Variants in PTGER3 observed in about 807,000 individuals in gnomAD.
PTGER3 encodes prostaglandin E2 receptor EP3 subtype.
In PTGER3, 22 loss-of-function variants were observed where a neutral mutation model predicts 34.7. The ratio of observed to expected loss-of-function variants is 0.63; its 90% CI spans 0.45 to 0.91. The LOEUF is 0.91. Ranked by LOEUF, PTGER3 falls within the 40% of genes least tolerant of loss-of-function variation. The probability of loss-of-function intolerance (pLI) is 0.00; values close to 1 mark genes in which losing one functional copy is unlikely to be tolerated. For synonymous variants in PTGER3, 241 were observed against 230.1 expected (o/e 1.05, Z -0.43); for missense variants, 468 against 519.4 (o/e 0.90, Z 0.96).
chr1:70,909,686 C>T (rs1214841057), intron 4 of PTGER3, among the ~76,000 whole-genome samples: 1 of 152,112 alleles, frequency 6.6e-6, no homozygotes, highest in Non-Finnish European at 1.5e-5. Context: ...TACAGTGTCT[C>T]CCAACTGAAG....
intron 2 of PTGER3, chr1:71,007,919 G>A: frequency 1.0e-6 from 1 of 985,212 alleles, no homozygotes; most frequent in Non-Finnish European, 1.2e-6. Flanking sequence ...GCATGAAAAG[G>A]CTGACTTGTT....
At chr1:70,954,751 A>G (rs1441367849) in intron 2 of PTGER3, among the ~76,000 whole-genome samples, 4 of 152,260 alleles carry the variant, frequency 2.6e-5, no homozygotes, top group South Asian at 2.1e-4. Context: ...ATCATGTAAT[A>G]CAAATATTTC....
chr1:70,906,115 T>C (rs553031701), intron 4 of PTGER3, among the ~76,000 whole-genome samples: 1 of 152,290 alleles, frequency 6.6e-6, no homozygotes, highest in South Asian at 2.1e-4. Flanking sequence ...TGCTCCTCCT[T>C]GCCTTCCACC....
At chr1:70,975,764 AC>A (rs1653628294) in intron 2 of PTGER3, among the ~76,000 whole-genome samples, 1 of 152,192 alleles carries the variant, frequency 6.6e-6, no homozygotes, top group South Asian at 2.1e-4. Context: ...GGCAATTTGC[AC>A]AGAAATTTTA....
At chr1:70,937,984 T>C (rs1413901041) in intron 4 of PTGER3, among the ~76,000 whole-genome samples, 1 of 152,180 alleles carries the variant, frequency 6.6e-6, no homozygotes, top group African/African-American at 2.4e-5. Context: ...AGATGAAATA[T>C]GACATTTTGG....
intron 2 of PTGER3, among the ~76,000 whole-genome samples, chr1:70,962,431 T>C (rs943056712): frequency 6.6e-6 from 1 of 150,794 alleles, no homozygotes; most frequent in Non-Finnish European, 1.5e-5. Context: ...GGGCAGTGTA[T>C]TAGTCTGTTC....
intron 4 of PTGER3, among the ~76,000 whole-genome samples, chr1:70,871,402 G>A (rs1214233516): frequency 6.6e-6 from 1 of 152,130 alleles, no homozygotes; most frequent in Non-Finnish European, 1.5e-5. Context: ...CAACACTGGA[G>A]ATTACAATTC....
At chr1:71,003,945 C>A (rs556265638) in intron 2 of PTGER3, among the ~76,000 whole-genome samples, 1 of 152,302 alleles carries the variant, frequency 6.6e-6, no homozygotes, top group African/African-American at 2.4e-5. Flanking sequence ...TCCTCTGCAC[C>A]TTTTGTGGGA....
intron 2 of PTGER3, among the ~76,000 whole-genome samples, chr1:70,986,225 C>A (rs1654897910): frequency 2.0e-5 from 3 of 152,078 alleles, no homozygotes; most frequent in African/African-American, 7.2e-5. Flanking sequence ...CAAGAGATAA[C>A]CATAAAAATG....
At chr1:70,927,770 C>G (rs1390152917) in intron 4 of PTGER3, among the ~76,000 whole-genome samples, 1 of 152,060 alleles carries the variant, frequency 6.6e-6, no homozygotes, top group Non-Finnish European at 1.5e-5. Context: ...TAGAAGAGAA[C>G]AGGAAAATAT....
chr1:70,873,969 TA>T (rs1646220362), intron 4 of PTGER3, among the ~76,000 whole-genome samples: 1 of 152,172 alleles, frequency 6.6e-6, no homozygotes, highest in Non-Finnish European at 1.5e-5. Context: ...CTTAAAATTT[TA>T]ACCTTTCTGT....
chr1:71,047,542 G>A lies in PTGER3; in HGVS notation c.36C>T (p.Pro12=), dbSNP rs1033154286. ...AGGAGTGGTTGAGGCGGGTGCAGAA[G>A]GGGGCATCCCCTCCGTAGCCCCGGG... ...KETRGYGGDA[P]FCTRLNHSYT... is the part of the protein sequence containing the mutation. Residue 12 remains proline, a synonymous_variant, in exon 1 of 4, where the codon CCC becomes CCT. Transcript: ENST00000306666. 1 of 1,576,228 alleles carries A rather than the reference G, an allele frequency of 6.3e-7. No homozygotes were observed. Among genetic ancestry groups the A allele is most frequent in the Non-Finnish European group, 8.6e-7 (1 of 1,159,552 alleles).
At chr1:70,866,898 G>C (rs567531054) in intron 4 of PTGER3, among the ~76,000 whole-genome samples, 13 of 152,150 alleles carry the variant, frequency 8.5e-5, no homozygotes, top group Non-Finnish European at 1.8e-4. Flanking sequence ...TGCCTTACTG[G>C]ATTTTAAACT....
chr1:70,852,719 C>T lies in PTGER3; in HGVS notation c.*164G>A. The T allele has an allele frequency of 3.2e-6, 4 of 1,243,456 alleles. No homozygotes were observed. The South Asian group carries it at 3.8e-5, about 12-fold the overall frequency. The allele number at this position is 1,243,456 out of a possible 1,614,324, so 77.0% of individuals were successfully genotyped here. On this transcript the variant is annotated 3_prime_UTR_variant, in exon 5 of 5. Coordinates refer to the PTGER3 transcript ENST00000370931. The stretch of plus-strand genomic sequence containing the variant: ...GATAACAGTTATATTTGGGGGTGGG[C>T]TTGGGGGAAGAAGTAAAAGAGAATA...
At chr1:71,014,183 T>C (rs1311267442) in intron 1 of PTGER3, among the ~76,000 whole-genome samples, 1 of 152,140 alleles carries the variant, frequency 6.6e-6, no homozygotes, top group African/African-American at 2.4e-5. Context: ...TCTCTCTCTC[T>C]TGAGGCTTAC....
chr1:70,937,018 G>A (rs1045518488), intron 4 of PTGER3, among the ~76,000 whole-genome samples: 2 of 152,148 alleles, frequency 1.3e-5, no homozygotes, highest in African/African-American at 4.8e-5. Flanking sequence ...AGGGGAAGAA[G>A]TTCCTGCCCA....
intron 1 of PTGER3, among the ~76,000 whole-genome samples, chr1:71,014,011 G>A (rs1007091161): frequency 2.0e-5 from 3 of 151,970 alleles, no homozygotes; most frequent in African/African-American, 4.8e-5. Context: ...ATTCCATAAT[G>A]GAATAATAAT....
chr1:70,868,358 T>C (rs190822197), intron 4 of PTGER3, among the ~76,000 whole-genome samples: 12 of 152,352 alleles, frequency 7.9e-5, no homozygotes, highest in Admixed American at 2.0e-4. Context: ...TATTGCCTTA[T>C]TGTTTTCCCT....
At chr1:70,924,611 A>G (rs1403326383) in intron 4 of PTGER3, among the ~76,000 whole-genome samples, 1 of 152,134 alleles carries the variant, frequency 6.6e-6, no homozygotes, top group Non-Finnish European at 1.5e-5. Context: ...AAAGCCTTCT[A>G]ATTTTGTTTA....
Sources: allele counts gnomAD v4.1 joint callset (sites outside exome capture counted in the v4.1 genomes callset), GRCh38; gene constraint gnomAD v4.1.1; transcripts MANE v1.5; gene names NCBI Gene and HGNC (gene_info 2026-07-23, HGNC 2026-07-21).